Variants in SAMMSON observed in about 807,000 individuals in gnomAD.
SAMMSON encodes survival associated mitochondrial melanoma specific oncogenic non-coding RNA.
intron 3 of SAMMSON, among the ~76,000 whole-genome samples, chr3:70,059,475 G>C (rs1416196856): frequency 6.6e-6 from 1 of 152,056 alleles, no homozygotes; most frequent in Non-Finnish European, 1.5e-5. Context: ...CAAAGACAGA[G>C]AACCAGGGGG....
chr3:70,034,266 C>A (rs916318896), intron 3 of SAMMSON, among the ~76,000 whole-genome samples: 2 of 152,196 alleles, frequency 1.3e-5, no homozygotes, highest in East Asian at 3.9e-4. Context: ...CAAAGTTGCA[C>A]GATATTGCTA....
At chr3:70,432,521 A>C (rs1187339715) in intron 2 of SAMMSON, among the ~76,000 whole-genome samples, 1 of 151,946 alleles carries the variant, frequency 6.6e-6, no homozygotes, top group Non-Finnish European at 1.5e-5. Context: ...AAGCTTAAAG[A>C]AAAATTGAGC....
chr3:70,032,070 T>A (rs1187027319), intron 3 of SAMMSON, among the ~76,000 whole-genome samples: 1 of 152,202 alleles, frequency 6.6e-6, no homozygotes, highest in Non-Finnish European at 1.5e-5. Flanking sequence ...GCACACTCAA[T>A]CAAAGGCACT....
At chr3:70,100,207 C>T (rs2067338322) in intron 4 of SAMMSON, among the ~76,000 whole-genome samples, 1 of 151,984 alleles carries the variant, frequency 6.6e-6, no homozygotes. Flanking sequence ...AGTGCAGTGG[C>T]ACCATCACAG....
intron 4 of SAMMSON, chr3:70,140,446 G>A (rs1020587329): frequency 2.7e-5 from 5 of 185,064 alleles, no homozygotes; most frequent in Admixed American, 2.6e-4. Flanking sequence ...TGCATGCAAG[G>A]GACCACTGAG....
intron 7 of SAMMSON, among the ~76,000 whole-genome samples, chr3:70,317,187 A>AT (rs1408902327): frequency 6.6e-6 from 1 of 152,040 alleles, no homozygotes; most frequent in Non-Finnish European, 1.5e-5. Context: ...TCCCGCAAGC[A>AT]TTGTAAGTGT....
At chr3:70,075,645 T>G (rs1397744243) in intron 4 of SAMMSON, among the ~76,000 whole-genome samples, 1 of 152,160 alleles carries the variant, frequency 6.6e-6, no homozygotes. Flanking sequence ...CCTGCTTATA[T>G]TAAAATGACA....
chr3:70,105,758 G>A (rs764035958), intron 4 of SAMMSON, among the ~76,000 whole-genome samples: 1 of 152,162 alleles, frequency 6.6e-6, no homozygotes, highest in African/African-American at 2.4e-5. Context: ...GGGTGTCAGC[G>A]TGGCAGGGAG....
chr3:70,011,832 C>T (rs1296667580), intron 1 of SAMMSON, among the ~76,000 whole-genome samples: 1 of 151,882 alleles, frequency 6.6e-6, no homozygotes, highest in Non-Finnish European at 1.5e-5. Flanking sequence ...GATCTCAGAC[C>T]TAAAGAAGGA....
chr3:70,256,215 G>A (rs971078075), intron 6 of SAMMSON, among the ~76,000 whole-genome samples: 2 of 152,168 alleles, frequency 1.3e-5, no homozygotes, highest in Non-Finnish European at 2.9e-5. Flanking sequence ...TAGTTGTAAA[G>A]TTTTTGTTTC....
At chr3:70,098,241 T>C (rs1380304631) in intron 4 of SAMMSON, among the ~76,000 whole-genome samples, 1 of 152,216 alleles carries the variant, frequency 6.6e-6, no homozygotes. Flanking sequence ...GTAGGGTTTG[T>C]GTGTCGTTTC....
At chr3:70,256,332 C>G (rs1701815858) in intron 6 of SAMMSON, among the ~76,000 whole-genome samples, 2 of 152,128 alleles carry the variant, frequency 1.3e-5, no homozygotes, top group African/African-American at 4.8e-5. Flanking sequence ...CATAGTTTGG[C>G]CTTTTTAGCA....
intron 9 of SAMMSON, among the ~76,000 whole-genome samples, chr3:70,380,148 T>C (rs915387307): frequency 1.3e-5 from 2 of 152,262 alleles, no homozygotes; most frequent in South Asian, 4.1e-4. Context: ...TCTAGAGCAG[T>C]GTTTTCACTG....
intron 4 of SAMMSON, among the ~76,000 whole-genome samples, chr3:70,131,357 G>C (rs1341955838): frequency 1.3e-5 from 2 of 152,158 alleles, no homozygotes; most frequent in African/African-American, 4.8e-5. Context: ...TTAGGAGTAG[G>C]AAATTTGCTT....
At chr3:70,050,472 G>T (rs2067141957) in intron 3 of SAMMSON, among the ~76,000 whole-genome samples, 1 of 152,164 alleles carries the variant, frequency 6.6e-6, no homozygotes, top group Admixed American at 6.5e-5. Context: ...TGATGTCTTT[G>T]TGAGTGTTTG....
At chr3:70,355,526 A>G (rs150742113) in intron 8 of SAMMSON, among the ~76,000 whole-genome samples, 2 of 152,302 alleles carry the variant, frequency 1.3e-5, no homozygotes, top group East Asian at 3.9e-4. Flanking sequence ...AATGCTTGCA[A>G]AGAAATCAGT....
At chr3:70,183,364 G>C (rs1701068984) in intron 4 of SAMMSON, 1 of 152,170 alleles carries the variant, frequency 6.6e-6, no homozygotes, top group Non-Finnish European at 1.5e-5. Context: ...CGTGTGGAAT[G>C]ACTTATCCTG....
At chr3:70,205,031 G>A (rs2177147) in intron 4 of SAMMSON, 21,866 of 152,032 alleles carry the variant, frequency 0.14, 2,296 homozygotes, top group East Asian at 0.55. Flanking sequence ...AGAGACTTGA[G>A]CATCATCCTG....
chr3:70,116,292 C>CTTT lies in SAMMSON; in HGVS notation n.507+44743_507+44745dup, dbSNP rs57252778. On this transcript the variant is annotated intron_variant and non_coding_transcript_variant, in intron 4 of 9. Transcript: ENST00000642114. The stretch of plus-strand genomic sequence containing the variant: ...AGTTTTAGGAGAAGGGCGATGCTTT[C>CTTT]TTTTTTTTTTTTTTTTTTAAAGAAA... Among the ~76,000 whole-genome samples, 570 of 118,208 alleles carry CTTT rather than the reference C, an allele frequency of 4.8e-3. 12 individuals are homozygous for CTTT. Among genetic ancestry groups the CTTT allele is most frequent in the South Asian group, 0.037 (129 of 3,466 alleles). 77.5% of individuals were successfully genotyped at this position (118,208 alleles called of 152,430 possible). A position where few individuals can be genotyped will look rare whatever the true frequency, so the allele number is the denominator to read the frequency against.
Sources: gnomAD v4.1 joint callset for allele counts (sites outside exome capture counted in the v4.1 genomes callset) on GRCh38, gnomAD v4.1.1 for gene constraint, MANE v1.5 for transcripts, NCBI Gene and HGNC (gene_info 2026-07-23, HGNC 2026-07-21) for gene names.